Variants in SPX observed in about 807,000 individuals in gnomAD.
The protein encoded by SPX is spexin hormone, also known as spexin.
SPX carries 22 observed loss-of-function variants against 19.2 expected under a neutral mutation model. That is an observed-to-expected ratio of 1.15 (90% CI 0.82 to 1.64). The LOEUF (loss-of-function observed/expected upper bound fraction) is 1.64. SPX is among the 40% of genes most tolerant of loss of function. SPX has a pLI of 0.00. For synonymous variants in SPX, 50 were observed against 53.3 expected, an observed-to-expected ratio of 0.94 and a Z score of 0.27; for missense variants, 143 against 137.7, an observed-to-expected ratio of 1.04 and a Z score of -0.19.
intron 1 of SPX, 31 bp downstream of exon 1, chr12:21,526,509 CT>C: frequency 6.3e-7 from 1 of 1,581,444 alleles, no homozygotes; most frequent in Non-Finnish European, 8.6e-7. Flanking sequence ...CTTGAGACTT[CT>C]TAGCTATTTT....
At chr12:21,530,600 C>G (rs1430328764) in intron 5 of SPX, among the ~76,000 whole-genome samples, 1 of 152,144 alleles carries the variant, frequency 6.6e-6, no homozygotes, top group Non-Finnish European at 1.5e-5. Flanking sequence ...AGTATCCCCA[C>G]CTCAGAAGTG....
intron 4 of SPX, chr12:21,528,009 C>G (rs980600357): frequency 7.4e-6 from 4 of 543,332 alleles, no homozygotes; most frequent in Non-Finnish European, 1.3e-5. Context: ...CGTCCAGCCC[C>G]GCGCCAATGG....
At chr12:21,526,754 T>G in intron 1 of SPX, 132 bp from the exon 2 acceptor site, 1 of 906,272 alleles carries the variant, frequency 1.1e-6, no homozygotes, top group Non-Finnish European at 1.7e-6. Context: ...GGGAAACACC[T>G]CCAGAAAACT....
At chr12:21,529,110 C>T (rs1404058744) in intron 5 of SPX, 26 bp downstream of exon 5, 1 of 1,589,958 alleles carries the variant, frequency 6.3e-7, no homozygotes, top group East Asian at 2.2e-5. Context: ...CCTCTTTCAC[C>T]TGCATAACAG....
intron 4 of SPX, 139 bp downstream of exon 4, chr12:21,527,928 G>T: frequency 1.1e-6 from 1 of 935,176 alleles, no homozygotes; most frequent in Non-Finnish European, 1.6e-6. Flanking sequence ...CTCAGATACA[G>T]TCCGCCCGAG....
At chr12:21,530,427 T>C (rs1271029679) in intron 5 of SPX, among the ~76,000 whole-genome samples, 2 of 152,202 alleles carry the variant, frequency 1.3e-5, no homozygotes, top group African/African-American at 4.8e-5. Context: ...TCAAATTATA[T>C]TGCAACTAAC....
In SPX at chr12:21,526,476, A is replaced by G. The variant is rs1943815812; in HGVS notation, c.4A>G (p.Lys2Glu). The change falls in exon 1 of 6, where the codon AAG (lysine) becomes GAG (glutamate). Residue 2 changes from lysine to glutamate, a missense_variant and splice_region_variant. Transcript: ENST00000256969. ...GGGTTCTGAAAAGACGCAGAACATG[A>G]AGGTAAGTAAAGGCTTTATTAACTT... M[K>E]GLRSLAATTL... The G allele has an allele frequency of 3.1e-6, 5 of 1,594,216 alleles. No homozygotes were observed. The highest frequency in any genetic ancestry group is 4.3e-6 in the Non-Finnish European group (5 of 1,165,892).
chr12:21,530,313 T>G (rs10770823), intron 5 of SPX, among the ~76,000 whole-genome samples: 111,990 of 151,936 alleles, frequency 0.74, 42,352 homozygotes, highest in East Asian at 0.93. Flanking sequence ...GTTCTGGTTT[T>G]GTTTTGTTTT....
intron 3 of SPX, 154 bp from the exon 4 acceptor site, chr12:21,527,573 G>A: frequency 1.3e-6 from 1 of 740,780 alleles, no homozygotes; most frequent in Non-Finnish European, 2.2e-6. Flanking sequence ...TGCGCTGGGA[G>A]CGCTGGAAAC....
Position 21,526,955 on chromosome 12 carries a change from T to G in SPX, c.76T>G (p.Cys26Gly). ...GTTTGTTTTCCTGGGAAACTCCAGC[T>G]GCGCTCCGCAGGTAATCAAATGCAA... is the stretch of plus-strand genomic sequence containing the variant. ...LVFVFLGNSS[C>G]APQRLLERRN... is the part of the protein sequence containing the mutation. The change falls in exon 2 of 6, where the codon TGC becomes GGC. Residue 26 changes from cysteine (C) to glycine (G), a missense_variant. Coordinates refer to ENST00000256969, the MANE Select transcript of SPX (RefSeq NM_030572.4). 1 of 1,614,234 alleles carries G rather than the reference T, an allele frequency of 6.2e-7. No individual in the cohort carries two copies.
intron 1 of SPX, 65 bp from the exon 2 acceptor site, chr12:21,526,821 A>C: frequency 3.4e-6 from 5 of 1,462,566 alleles, no homozygotes; most frequent in Non-Finnish European, 3.8e-6. Flanking sequence ...TCCAGGCGTC[A>C]AGGAAGGAAG....
At chr12:21,526,525 A>G (rs751470178) in intron 1 of SPX, 47 bp downstream of exon 1, 1 of 1,550,746 alleles carries the variant, frequency 6.4e-7, no homozygotes, top group South Asian at 1.2e-5. Context: ...TATTTTTTAA[A>G]ACGTTTTATA....
At position 21,527,193 on chromosome 12, in the gene SPX, G is replaced by C. The variant is rs1179590703; in HGVS notation, c.145+1G>C. On this transcript the variant is annotated splice_donor_variant, in intron 3 of 5. Coordinates refer to ENST00000256969, the MANE Select transcript of SPX (RefSeq NM_030572.4). LOFTEE classifies it high-confidence loss of function. ...GCTATGCTCTACCTGAAAGGGGCACGTAAGTTCCAAATATTTCGCTCTTCC... is the reference window on the plus strand; with the variant it reads ...GCTATGCTCTACCTGAAAGGGGCACCTAAGTTCCAAATATTTCGCTCTTCC... 1.9e-6 allele frequency: 3 copies of C among 1,613,170 alleles called. No homozygotes were observed. The highest frequency in any genetic ancestry group is 2.5e-6 in the Non-Finnish European group (3 of 1,179,376).
At chr12:21,528,057 A>G (rs966403893) in intron 4 of SPX, 5 of 473,000 alleles carry the variant, frequency 1.1e-5, no homozygotes, top group Non-Finnish European at 1.9e-5. Context: ...CGGCTCCCCA[A>G]GCCTTATTGG....
chr12:21,527,681 T>G, intron 3 of SPX, 46 bp from the exon 4 acceptor site: 7 of 1,542,008 alleles, frequency 4.5e-6, no homozygotes, highest in Non-Finnish European at 6.2e-6. Flanking sequence ...AAGCCCGGGT[T>G]GTCCCGGGCC....
Position 21,526,844 on chromosome 12 carries a change from T to C in SPX, c.7-42T>C, listed in dbSNP as rs370256348. 83 of 1,563,928 alleles carry C rather than the reference T, an allele frequency of 5.3e-5. No individual in the cohort carries two copies. In the African/African-American group the frequency reaches 1.0e-3, roughly 19 times the overall value. On this transcript the variant is annotated intron_variant, in intron 1 of 5. Transcript: ENST00000256969. ...TCAAGGAAGGAAGCAGAAGATCCTA[T>C]TGGCACAGAAATGACCCTTTCTGGT...
intron 5 of SPX, 33 bp from the exon 6 acceptor site, chr12:21,531,104 A>C: frequency 7.9e-7 from 1 of 1,272,060 alleles, no homozygotes; most frequent in Non-Finnish European, 1.1e-6. Flanking sequence ...CGCAGAGTGT[A>C]TATTTATTTT....
rs1943815571 is a variant in SPX at position 21,526,457 on chromosome 12, T to A, written c.-16T>A. On this transcript the variant is annotated 5_prime_UTR_variant, in exon 1 of 6. Coordinates refer to ENST00000256969, the MANE Select transcript of SPX (RefSeq NM_030572.4). ...TAAAGTTATAGTTATTTCAGGGTTC[T>A]GAAAAGACGCAGAACATGAAGGTAA... 1 of 1,589,946 alleles carries A rather than the reference T, an allele frequency of 6.3e-7. No individual in the cohort carries two copies. The highest frequency in any genetic ancestry group is 1.7e-5 in the Admixed American group (1 of 59,598).
Position 21,532,079 on chromosome 12 carries a change from T to A in SPX, c.*884T>A, listed in dbSNP as rs191571712. On this transcript the variant is annotated 3_prime_UTR_variant, in exon 6 of 6. Coordinates refer to ENST00000256969, the MANE Select transcript of SPX (RefSeq NM_030572.4). Reference sequence around the variant, plus strand: ...TCACTCTGATAACATAAGTGCACAGTAATATGCCTGATCTCTTCCTTTTTA... The same window carrying A: ...TCACTCTGATAACATAAGTGCACAGAAATATGCCTGATCTCTTCCTTTTTA... 2.6e-5 allele frequency: 4 copies of A among 152,338 alleles called. No homozygotes were observed. In the East Asian group the frequency reaches 7.7e-4, roughly 29 times the overall value. 9.4% of individuals were successfully genotyped at this position (152,338 alleles called of 1,614,324 possible).
Sources: allele counts gnomAD v4.1 joint callset (sites outside exome capture counted in the v4.1 genomes callset), GRCh38; gene constraint gnomAD v4.1.1; transcripts MANE v1.5; gene names NCBI Gene and HGNC (gene_info 2026-07-23, HGNC 2026-07-21).